The following MED27 variants were observed in gnomAD, a reference collection of about 807,000 sequenced individuals.
The protein encoded by MED27 is mediator of RNA polymerase II transcription subunit 27.
In MED27, 30 loss-of-function variants were observed where a neutral mutation model predicts 38.2. The observed-to-expected ratio is 0.79, with a 90% CI of 0.59 to 1.07. MED27 has a LOEUF of 1.07. Ranked by LOEUF, MED27 falls within the 50% of genes least tolerant of loss-of-function variation. The pLI is 0.00. For synonymous variants in MED27, 122 were observed against 153.5 expected, an observed-to-expected ratio of 0.79 and a Z score of 1.52; for missense variants, 289 against 397.5, an observed-to-expected ratio of 0.73 and a Z score of 2.32.
At chr9:131,998,525 T>C (rs1163155413) in intron 3 of MED27, among the ~76,000 whole-genome samples, 1 of 152,176 alleles carries the variant, frequency 6.6e-6, no homozygotes, top group African/African-American at 2.4e-5. Flanking sequence ...GTCTGGGTTT[T>C]CATGACGCTC....
intron 2 of MED27, among the ~76,000 whole-genome samples, chr9:132,039,450 G>A (rs539553920): frequency 6.6e-6 from 1 of 152,312 alleles, no homozygotes; most frequent in East Asian, 1.9e-4. Context: ...ATGGTGCCCC[G>A]CACATGGCAA....
chr9:131,966,933 C>T (rs1831363660), intron 3 of MED27, among the ~76,000 whole-genome samples: 1 of 152,348 alleles, frequency 6.6e-6, no homozygotes, highest in South Asian at 2.1e-4. Context: ...AGAGCTATGA[C>T]CATCTTCACT....
Position 131,862,391 on chromosome 9 carries a change from C to T in MED27, c.801+672G>A, listed in dbSNP as rs902410896. 6.6e-5 allele frequency among the ~76,000 whole-genome samples: 10 copies of T among 152,194 alleles called. No individual in the cohort carries two copies. The highest frequency in any genetic ancestry group is 6.5e-5 in the Admixed American group (1 of 15,290). The stretch of plus-strand genomic sequence containing the variant: ...GAGAGCATGACGGTGGAACAGCTGG[C>T]GGCTACGTCTGTCAAGGACGCGGGG... On this transcript the variant is annotated intron_variant, in intron 7 of 7. Transcript: ENST00000292035. This position sits in a 1 kb window ranked among gnomAD's most constrained non-coding sequence, Gnocchi z 4.6.
intron 2 of MED27, among the ~76,000 whole-genome samples, chr9:132,067,867 A>G (rs1833844558): frequency 6.6e-6 from 1 of 152,182 alleles, no homozygotes; most frequent in African/African-American, 2.4e-5. Flanking sequence ...ACCCGCCACT[A>G]TGCTTGGCTA....
At chr9:131,875,115 C>T (rs566561442) in intron 6 of MED27, among the ~76,000 whole-genome samples, 31 of 152,118 alleles carry the variant, frequency 2.0e-4, no homozygotes, top group Non-Finnish European at 3.7e-4. Flanking sequence ...ATCTCAATCT[C>T]GGGTGCCTTC....
chr9:131,868,941 C>G, intron 6 of MED27: 1 of 985,494 alleles, frequency 1.0e-6, no homozygotes, highest in Non-Finnish European at 1.2e-6. Context: ...GGGAGCCATG[C>G]GCCACAGCCC....
intron 2 of MED27, among the ~76,000 whole-genome samples, chr9:132,055,405 T>C (rs561279831): frequency 6.6e-6 from 1 of 152,330 alleles, no homozygotes; most frequent in South Asian, 2.1e-4. Flanking sequence ...TTGTAAGTCC[T>C]CCACAATGGA....
At chr9:131,864,583 C>T (rs775761690) in intron 6 of MED27, among the ~76,000 whole-genome samples, 12 of 152,142 alleles carry the variant, frequency 7.9e-5, no homozygotes, top group South Asian at 2.1e-4. Context: ...CTTGTGTAGA[C>T]GTGTTCATTT....
chr9:131,986,856 C>CA (rs1421820043), intron 3 of MED27, among the ~76,000 whole-genome samples: 6 of 152,144 alleles, frequency 3.9e-5, no homozygotes, highest in Non-Finnish European at 8.8e-5. Flanking sequence ...CCCAGTGTCT[C>CA]AAACAGGGTT....
intron 4 of MED27, among the ~76,000 whole-genome samples, chr9:131,909,858 T>G (rs62583315): frequency 6.6e-6 from 1 of 152,246 alleles, no homozygotes; most frequent in South Asian, 2.1e-4. Context: ...TTTTTTATTT[T>G]GCTTCTATTT....
At chr9:132,061,272 C>T (rs536879121) in intron 2 of MED27, among the ~76,000 whole-genome samples, 2 of 152,304 alleles carry the variant, frequency 1.3e-5, no homozygotes, top group African/African-American at 2.4e-5. Flanking sequence ...TGCCTGCAGG[C>T]CCTGTCCCTT....
rs185635468 is a variant in MED27 at position 132,077,599 on chromosome 9, G to C, written c.204-13C>G. On this transcript the variant is annotated splice_polypyrimidine_tract_variant and intron_variant, in intron 1 of 7. Coordinates refer to ENST00000292035, the MANE Select transcript of MED27 (RefSeq NM_004269.4). Reference sequence around the variant, plus strand: ...ACGTTCCAGCTCACTGAAAAGCAAAGAGACAAGGCAAATAAACCTAAGCCC... The same window carrying C: ...ACGTTCCAGCTCACTGAAAAGCAAACAGACAAGGCAAATAAACCTAAGCCC... 5.0e-6 allele frequency: 8 copies of C among 1,613,984 alleles called. No individual in the cohort carries two copies. The African/African-American group carries it at 9.3e-5, about 19-fold the overall frequency.
At chr9:132,053,588 G>A (rs892782438) in intron 2 of MED27, among the ~76,000 whole-genome samples, 4 of 152,182 alleles carry the variant, frequency 2.6e-5, no homozygotes, top group South Asian at 2.1e-4. Context: ...AGAGAAAATT[G>A]AGGCACGGAG....
In MED27 at chr9:131,894,010, A is replaced by G; in HGVS notation, c.574-18T>C. On this transcript the variant is annotated intron_variant, in intron 4 of 7. Transcript: ENST00000292035. ...AAGGTCACCTGCCAAAACACATGTA[A>G]GCTGACACTTGAACACGCAAATCAC... 1 of 1,601,030 alleles carries G rather than the reference A, an allele frequency of 6.2e-7. No homozygotes were observed. The highest frequency in any genetic ancestry group is 2.2e-5 in the East Asian group (1 of 44,822).
chr9:132,076,239 T>C (rs1834044393), intron 2 of MED27, among the ~76,000 whole-genome samples: 1 of 151,844 alleles, frequency 6.6e-6, no homozygotes, highest in Non-Finnish European at 1.5e-5. Context: ...AACATTTTAG[T>C]TCCTTGAACC....
intron 3 of MED27, among the ~76,000 whole-genome samples, chr9:132,004,083 G>A (rs1472969583): frequency 6.6e-6 from 1 of 152,084 alleles, no homozygotes; most frequent in Non-Finnish European, 1.5e-5. Flanking sequence ...CTAAAGATGA[G>A]GGAACCGAGG....
intron 3 of MED27, among the ~76,000 whole-genome samples, chr9:131,991,864 G>A (rs904579439): frequency 2.6e-5 from 4 of 152,176 alleles, no homozygotes; most frequent in Non-Finnish European, 5.9e-5. Flanking sequence ...TGGGATTACA[G>A]GCGAGCGCCA....
Position 132,014,362 on chromosome 9 carries a change from G to C in MED27, c.454C>G (p.Pro152Ala), listed in dbSNP as rs775135040. 6.2e-7 allele frequency: 1 copy of C among 1,612,762 alleles called. No homozygotes were observed. Among genetic ancestry groups the C allele is most frequent in the Non-Finnish European group, 8.5e-7 (1 of 1,179,948 alleles). ...VSAKRRPKAQ[P>A]TTLVLPPQYV... ...TGAGGTGGTAGGACAAGAGTTGTGGGCTGAGCCTTTGGTCTACGTTTGGCA... is the reference window on the plus strand; with the variant it reads ...TGAGGTGGTAGGACAAGAGTTGTGGCCTGAGCCTTTGGTCTACGTTTGGCA... The change falls in exon 3 of 8, where the codon CCC (proline) becomes GCC (alanine). Residue 152 changes from proline (P) to alanine (A), a missense_variant. By Grantham distance (27) the Pro-to-Ala change is conservative. Coordinates refer to ENST00000292035, the MANE Select transcript of MED27 (RefSeq NM_004269.4).
chr9:131,874,206 A>C (rs1252883076), intron 6 of MED27, among the ~76,000 whole-genome samples: 1 of 152,248 alleles, frequency 6.6e-6, no homozygotes, highest in East Asian at 1.9e-4. Context: ...CTCTGCCTGG[A>C]ATGTTCCTGT....
Sources: allele counts gnomAD v4.1 joint callset (sites outside exome capture counted in the v4.1 genomes callset), GRCh38; gene constraint gnomAD v4.1.1; non-coding constraint Gnocchi (gnomAD v3.1); transcripts MANE v1.5; gene names NCBI Gene and HGNC (gene_info 2026-07-23, HGNC 2026-07-21).